The following CA10 variants were observed in gnomAD, a reference collection of about 807,000 sequenced individuals.
The protein encoded by CA10 is carbonic anhydrase-related protein 10.
In CA10, 14 loss-of-function variants were observed where a neutral mutation model predicts 44.2. The observed-to-expected ratio is 0.32, with a 90% CI of 0.21 to 0.50. The LOEUF (loss-of-function observed/expected upper bound fraction) is 0.50, where lower values mean the gene tolerates loss of function less well. CA10 is among the 20% of genes least tolerant of loss of function. CA10 has a pLI of 0.99. For synonymous variants in CA10, 159 were observed against 141.6 expected (o/e 1.12, Z -0.87); for missense variants, 350 against 409.7 (o/e 0.85, Z 1.26).
Position 51,921,505 on chromosome 17 carries a change from T to G in CA10, c.279+9485A>C, listed in dbSNP as rs369588640. ...CAATAGATGCATAGACAGAGAAAAC[T>G]GAATATAAAACATTTTGATTTTTCA... is the stretch of plus-strand genomic sequence containing the variant. On this transcript the variant is annotated intron_variant, in intron 3 of 8. Transcript: ENST00000451037. Among the ~76,000 whole-genome samples the G allele has an allele frequency of 5.3e-5, 8 of 152,208 alleles. No homozygotes were observed. In the East Asian group the frequency reaches 9.6e-4, roughly 18 times the overall value.
At chr17:51,962,028 C>T (rs1036409623) in intron 2 of CA10, among the ~76,000 whole-genome samples, 5 of 152,344 alleles carry the variant, frequency 3.3e-5, no homozygotes, top group Middle Eastern at 3.4e-3. Flanking sequence ...CCAACTCCTC[C>T]TGTGCAGAGA....
intron 3 of CA10, among the ~76,000 whole-genome samples, chr17:51,759,214 G>A (rs1303576031): frequency 6.6e-6 from 1 of 151,750 alleles, no homozygotes; most frequent in Non-Finnish European, 1.5e-5. Flanking sequence ...TAAAGTTATT[G>A]GAACCAAGAT....
At chr17:51,895,047 G>T (rs572363674) in intron 3 of CA10, among the ~76,000 whole-genome samples, 1 of 152,096 alleles carries the variant, frequency 6.6e-6, no homozygotes, top group Admixed American at 6.6e-5. Context: ...TGGTATAAAT[G>T]AATTATTATT....
At position 51,711,981 on chromosome 17, in the gene CA10, GGTCTACATGAC is replaced by G. The variant is rs761321885; in HGVS notation, c.465+35641_465+35651del. Among the ~76,000 whole-genome samples the G allele has an allele frequency of 7.4e-3, 1,134 of 152,280 alleles. 7 individuals are homozygous for G. The highest frequency in any genetic ancestry group is 0.035 in the South Asian group (168 of 4,818). ...GGCTACCGATGGGATCTGGGCAGGAGGTCTACATGACTGGACCAAGGAACTTCTGCCTCATA... is the reference window on the plus strand; with the variant it reads ...GGCTACCGATGGGATCTGGGCAGGAGTGGACCAAGGAACTTCTGCCTCATA... On this transcript the variant is annotated intron_variant, in intron 4 of 8. Transcript: ENST00000451037.
chr17:52,057,683 T>C (rs1185899537), intron 2 of CA10, among the ~76,000 whole-genome samples: 1 of 152,120 alleles, frequency 6.6e-6, no homozygotes, highest in Admixed American at 6.6e-5. Flanking sequence ...AGCAATTGTT[T>C]AGAGCTTAGA....
At chr17:51,799,881 C>T (rs1016436004) in intron 3 of CA10, among the ~76,000 whole-genome samples, 8 of 152,244 alleles carry the variant, frequency 5.3e-5, no homozygotes, top group South Asian at 2.1e-4. Flanking sequence ...GATGAGGATG[C>T]GGAGAAACTG....
chr17:51,694,622 T>A lies in CA10; in HGVS notation c.466-40886A>T, dbSNP rs1915339362. Among the ~76,000 whole-genome samples the A allele has an allele frequency of 2.6e-5, 4 of 152,292 alleles. No individual in the cohort carries two copies. The East Asian group carries it at 7.7e-4, about 29-fold the overall frequency. On this transcript the variant is annotated intron_variant, in intron 4 of 8. Coordinates refer to ENST00000451037, the MANE Select transcript of CA10 (RefSeq NM_020178.5). ...GTGGGTGGTCTGTTTACTCTGTTGA[T>A]AGCTTCTTTTGCTGTGTAGAAGATC...
Position 52,158,585 on chromosome 17 carries a change from GGC to G in CA10, c.-801_-800del, listed in dbSNP as rs1989871045. On this transcript the variant is annotated 5_prime_UTR_variant, in exon 1 of 9. Coordinates refer to ENST00000451037, the MANE Select transcript of CA10 (RefSeq NM_020178.5). ...GCCCCGGGGACTGGGGCGCGGTGGG[GGC>G]ACACAGACTCTCCAGGTCGCGCGCG... is the stretch of plus-strand genomic sequence containing the variant. The G allele has an allele frequency of 6.5e-6, 1 of 153,108 alleles. No homozygotes were observed. The allele number at this position is 153,108 out of a possible 1,614,324, so 9.5% of individuals were successfully genotyped here.
chr17:52,145,346 T>C (rs1989561553), intron 1 of CA10, among the ~76,000 whole-genome samples: 1 of 152,114 alleles, frequency 6.6e-6, no homozygotes, highest in African/African-American at 2.4e-5. Flanking sequence ...AGTTCCTAAG[T>C]TGGAAAGGGA....
At chr17:51,709,312 T>C (rs1460340528) in intron 4 of CA10, among the ~76,000 whole-genome samples, 1 of 151,814 alleles carries the variant, frequency 6.6e-6, no homozygotes, top group African/African-American at 2.4e-5. Context: ...CTTCAGAGAG[T>C]GAAGAGTACT....
chr17:51,700,704 T>C (rs1193994705), intron 4 of CA10, among the ~76,000 whole-genome samples: 1 of 152,204 alleles, frequency 6.6e-6, no homozygotes, highest in East Asian at 1.9e-4. Flanking sequence ...ACGACAGCAC[T>C]TACCGTCGCC....
At chr17:51,879,904 A>G (rs1028728877) in intron 3 of CA10, among the ~76,000 whole-genome samples, 9 of 152,148 alleles carry the variant, frequency 5.9e-5, no homozygotes, top group Non-Finnish European at 8.8e-5. Flanking sequence ...CATGTCTTCT[A>G]TTTTCTGTAT....
chr17:51,678,893 T>C (rs180854535), intron 4 of CA10, among the ~76,000 whole-genome samples: 2 of 152,312 alleles, frequency 1.3e-5, no homozygotes, highest in East Asian at 3.9e-4. Context: ...CCTTCCCTAA[T>C]GGATTAGCCA....
At chr17:51,912,481 G>A (rs933036179) in intron 3 of CA10, among the ~76,000 whole-genome samples, 1 of 152,018 alleles carries the variant, frequency 6.6e-6, no homozygotes, top group African/African-American at 2.4e-5. Context: ...CCAAGCAAAT[G>A]GCAATGAAAA....
intron 2 of CA10, among the ~76,000 whole-genome samples, chr17:51,949,518 T>C (rs1983406078): frequency 6.6e-6 from 1 of 152,170 alleles, no homozygotes. Context: ...TTTGATTCCT[T>C]TGTCAAAATT....
chr17:51,882,936 A>T (rs1048694274), intron 3 of CA10, among the ~76,000 whole-genome samples: 6 of 152,218 alleles, frequency 3.9e-5, no homozygotes, highest in Admixed American at 2.6e-4. Context: ...CTCCCAACAG[A>T]TATAATCCTG....
chr17:52,131,647 G>C (rs1453334622), intron 1 of CA10, among the ~76,000 whole-genome samples: 1 of 152,148 alleles, frequency 6.6e-6, no homozygotes, highest in East Asian at 1.9e-4. Context: ...TACTAAAATA[G>C]GTAGTCAGAA....
At chr17:51,738,412 C>G (rs141836274) in intron 4 of CA10, among the ~76,000 whole-genome samples, 1 of 151,844 alleles carries the variant, frequency 6.6e-6, no homozygotes, top group South Asian at 2.1e-4. Flanking sequence ...GGAATGTGGG[C>G]GGGGGAGATT....
intron 4 of CA10, among the ~76,000 whole-genome samples, chr17:51,690,446 T>C (rs1268010012): frequency 6.6e-6 from 1 of 152,202 alleles, no homozygotes; most frequent in African/African-American, 2.4e-5. Context: ...TAAGATTCCA[T>C]GTGTGATATG....
Sources: gnomAD v4.1 joint callset for allele counts (sites outside exome capture counted in the v4.1 genomes callset) on GRCh38, gnomAD v4.1.1 for gene constraint, MANE v1.5 for transcripts, NCBI Gene and HGNC (gene_info 2026-07-23, HGNC 2026-07-21) for gene names.